ASB9: variants seen among roughly 807,000 people sequenced by gnomAD.
ASB9 encodes the protein ankyrin repeat and SOCS box protein 9.
A neutral mutation model predicts 16.6 loss-of-function variants in ASB9; 5 were observed. That is an observed-to-expected ratio of 0.30 (90% CI 0.16 to 0.63). The LOEUF (loss-of-function observed/expected upper bound fraction) is 0.63, where lower values mean the gene tolerates loss of function less well. Among genes scored for constraint, ASB9 ranks in the 30% least tolerant of loss-of-function variants. ASB9 has a pLI of 0.82. For synonymous variants in ASB9, 100 were observed against 86.4 expected (o/e 1.16, Z -0.87); for missense variants, 216 against 229.4 (o/e 0.94, Z 0.38).
intron 1 of ASB9, among the ~76,000 whole-genome samples, chrX:15,267,425 T>TTTAAAAAAAAAAAAA (rs377056337): frequency 3.0e-3 from 260 of 86,396 alleles, no homozygotes; most frequent in South Asian, 5.8e-3. Context: ...AAAATATATA[T>TTTAAAAAAAAAAAAA]ATATATATAA....
intron 1 of ASB9, among the ~76,000 whole-genome samples, chrX:15,268,750 G>A (rs200385326): frequency 1.9e-5 from 2 of 107,266 alleles, no homozygotes; most frequent in Admixed American, 2.0e-4. Context: ...GGAGGCGGAG[G>A]TTGCAGTGAG....
intron 1 of ASB9, among the ~76,000 whole-genome samples, chrX:15,259,774 A>T (rs765073278): frequency 4.4e-5 from 5 of 112,673 alleles, no homozygotes; most frequent in Non-Finnish European, 9.4e-5. Flanking sequence ...CACATCTGAC[A>T]TGTGATGGGT....
rs948081429 is a variant in ASB9, at chrX:15,245,087, GA to G, written c.761-458del. Among the ~76,000 whole-genome samples the G allele has an allele frequency of 3.6e-5, 4 of 112,057 alleles. No individual in the cohort carries two copies. In the Admixed American group the frequency reaches 3.8e-4, roughly 11 times the overall value. Reference sequence around the variant, plus strand: ...CTCACAGTGAATCCTAAGAGTATGTGAAGTCGTGTTTGTTTTTACATCCTGT... The same window carrying G: ...CTCACAGTGAATCCTAAGAGTATGTGAGTCGTGTTTGTTTTTACATCCTGT... On this transcript the variant is annotated intron_variant, in intron 6 of 6. Transcript: ENST00000380488.
chrX:15,263,631 A>G (rs904498591), intron 1 of ASB9, among the ~76,000 whole-genome samples: 2 of 108,954 alleles, frequency 1.8e-5, no homozygotes, highest in Non-Finnish European at 3.8e-5. Context: ...TGCCTTCTCC[A>G]AAGGGCCCTC....
intron 1 of ASB9, among the ~76,000 whole-genome samples, chrX:15,262,438 G>A (rs1926049746): frequency 1.8e-5 from 2 of 111,874 alleles, no homozygotes; most frequent in South Asian, 7.4e-4. Context: ...AGTCATTTCA[G>A]TTCAGGGTTT....
chrX:15,249,720 A>G (rs780652583), intron 5 of ASB9, among the ~76,000 whole-genome samples: 1 of 112,187 alleles, frequency 8.9e-6, no homozygotes, highest in East Asian at 2.8e-4. Flanking sequence ...TCCAGGCTAG[A>G]GGCTTAAAAT....
intron 1 of ASB9, among the ~76,000 whole-genome samples, chrX:15,267,871 G>A (rs1357686073): frequency 1.8e-5 from 2 of 109,328 alleles, no homozygotes; most frequent in African/African-American, 6.7e-5. Context: ...TTCTGCCTTT[G>A]TGGATCTAAA....
chrX:15,253,610 A>C (rs1274084919), intron 3 of ASB9, among the ~76,000 whole-genome samples: 1 of 112,039 alleles, frequency 8.9e-6, no homozygotes, highest in Non-Finnish European at 1.9e-5. Context: ...AAAAATTAAA[A>C]AAATAAAAAC....
At chrX:15,270,402 G>A (rs1358032646), upstream of ASB9, 1 of 112,573 alleles carries the variant, frequency 8.9e-6, no homozygotes, top group Non-Finnish European at 1.9e-5. Context: ...GAGAAAGCTG[G>A]TTTTGCAGCA....
intron 1 of ASB9, among the ~76,000 whole-genome samples, chrX:15,266,684 C>T (rs1219937465): frequency 8.9e-6 from 1 of 111,853 alleles, no homozygotes; most frequent in Admixed American, 9.5e-5. Context: ...CGCCTGTAAT[C>T]CCAGCACTTT....
Position 15,270,081 on chromosome X carries a change from T to TACACACACACACACACAC in ASB9, c.-208_-207insGTGTGTGTGTGTGTGTGT, listed in dbSNP as rs370190376. The TACACACACACACACACAC allele has an allele frequency of 2.6e-4, 78 of 294,641 alleles. No individual in the cohort carries two copies. Among genetic ancestry groups the TACACACACACACACACAC allele is most frequent in the African/African-American group, 2.2e-3 (71 of 32,575 alleles). The allele number at this position is 294,641 out of a possible 1,213,427, so 24.3% of individuals were successfully genotyped here. A position where few individuals can be genotyped will look rare whatever the true frequency, so the allele number is the denominator to read the frequency against. On this transcript the variant is annotated 5_prime_UTR_variant, in exon 1 of 7. Coordinates refer to ENST00000380488, the MANE Select transcript of ASB9 (RefSeq NM_001031739.3). ...GATCAGAGAGAGGCATGCGCTCGTG[T>TACACACACACACACACAC]ACACACACACACACACACACACACA...
intron 1 of ASB9, among the ~76,000 whole-genome samples, chrX:15,259,427 A>G (rs903836893): frequency 2.7e-5 from 3 of 112,833 alleles, no homozygotes; most frequent in Admixed American, 9.4e-5. Flanking sequence ...TCAAATCTAA[A>G]CAGAACCATA....
At chrX:15,255,116 T>C (rs944159783) in intron 2 of ASB9, among the ~76,000 whole-genome samples, 1 of 111,794 alleles carries the variant, frequency 8.9e-6, no homozygotes, top group Non-Finnish European at 1.9e-5. Flanking sequence ...CTTAGGTATA[T>C]ATACATCTAG....
chrX:15,252,281 A>G lies in ASB9; in HGVS notation c.406T>C (p.Ser136Pro). The G allele has an allele frequency of 8.3e-7, 1 of 1,208,069 alleles. No homozygotes were observed. Among genetic ancestry groups the G allele is most frequent in the Non-Finnish European group, 1.1e-6 (1 of 894,327 alleles). Reference sequence around the variant, plus strand: ...CTCCTAGCAGCTTCATGGATGGGGGATGCCAGATCACTCTCAGGTTGAACG... The same window carrying G: ...CTCCTAGCAGCTTCATGGATGGGGGGTGCCAGATCACTCTCAGGTTGAACG... The part of the protein sequence containing the change: ...ASVQPESDLA[S>P]PIHEAARRGH... The change falls in exon 4 of 7, where the codon TCC (serine) becomes CCC (proline). Residue 136 changes from serine (S) to proline (P), a missense_variant. Ser to Pro is a moderately conservative substitution (Grantham distance 74). Transcript: ENST00000380488.
At chrX:15,250,393 G>A (rs953981938) in intron 5 of ASB9, 37 bp downstream of exon 5, 5 of 1,182,229 alleles carry the variant, frequency 4.2e-6, no homozygotes, top group Admixed American at 4.7e-5. Flanking sequence ...TTTACTTTTC[G>A]TTTTCTTTTC....
At position 15,248,759 on chromosome X, in the gene ASB9, A is replaced by G; in HGVS notation, c.745T>C (p.Phe249Leu). ...VPPESPLAQL[F>L]LEREGPPSLM... ...AAAGAAGCACCTTCTCTCTCCAAGA[A>G]GAGCTGGGCCAAGGGGCTCTCTGGA... is the stretch of plus-strand genomic sequence containing the variant. The change falls in exon 6 of 7, where the codon TTC becomes CTC. Residue 249 changes from phenylalanine to leucine, a missense_variant. Physicochemically the swap from Phe to Leu is conservative, Grantham distance 22. Transcript: ENST00000380488. 1 of 1,208,175 alleles carries G rather than the reference A, an allele frequency of 8.3e-7. No homozygotes were observed. Among genetic ancestry groups the G allele is most frequent in the Non-Finnish European group, 1.1e-6 (1 of 893,286 alleles).
At chrX:15,269,317 T>C (rs1357725969) in intron 1 of ASB9, among the ~76,000 whole-genome samples, 1 of 111,896 alleles carries the variant, frequency 8.9e-6, no homozygotes, top group African/African-American at 3.3e-5. Flanking sequence ...TTCTCCAATG[T>C]TTTAAGTAAA....
At chrX:15,246,353 G>A (rs1924666533) in intron 6 of ASB9, among the ~76,000 whole-genome samples, 1 of 112,290 alleles carries the variant, frequency 8.9e-6, no homozygotes, top group South Asian at 3.7e-4. Flanking sequence ...TCACTTGCTG[G>A]CACCTGCAAA....
intron 1 of ASB9, among the ~76,000 whole-genome samples, chrX:15,267,561 G>A (rs1456134190): frequency 5.7e-5 from 5 of 87,022 alleles, no homozygotes; most frequent in Non-Finnish European, 1.1e-4. Context: ...TGGCTAACAT[G>A]GTGAAACCCC....
Sources: allele counts gnomAD v4.1 joint callset (sites outside exome capture counted in the v4.1 genomes callset), GRCh38; gene constraint gnomAD v4.1.1; transcripts MANE v1.5; gene names NCBI Gene and HGNC (gene_info 2026-07-23, HGNC 2026-07-21).